Variants in DEUP1 observed in about 807,000 individuals in gnomAD.
DEUP1 encodes the protein deuterosome assembly protein 1.
In DEUP1, 82 loss-of-function variants were observed where a neutral mutation model predicts 87.4. That is an observed-to-expected ratio of 0.94 (90% CI 0.78 to 1.13). The LOEUF is 1.13. Ranked by LOEUF, DEUP1 falls within the 50% of genes most tolerant of loss-of-function variation. The pLI, the probability that DEUP1 is intolerant of heterozygous loss-of-function variation, is 0.00. For missense variants in DEUP1, 663 were observed against 681.5 expected (o/e 0.97, Z 0.30); for synonymous variants, 214 against 222.7 (o/e 0.96, Z 0.35).
intron 2 of DEUP1, among the ~76,000 whole-genome samples, chr11:93,341,736 T>C (rs1264962904): frequency 6.6e-6 from 1 of 152,202 alleles, no homozygotes; most frequent in Non-Finnish European, 1.5e-5. Context: ...AGATGCGGTA[T>C]GTTAGTTTCC....
intron 2 of DEUP1, among the ~76,000 whole-genome samples, chr11:93,353,964 C>T (rs1944762230): frequency 6.6e-6 from 1 of 152,224 alleles, no homozygotes; most frequent in Non-Finnish European, 1.5e-5. Flanking sequence ...AGGCTCCTTG[C>T]TACTTATGCA....
chr11:93,414,647 A>T (rs1947550363), intron 12 of DEUP1, among the ~76,000 whole-genome samples: 1 of 152,246 alleles, frequency 6.6e-6, no homozygotes, highest in Non-Finnish European at 1.5e-5. Flanking sequence ...CAAGGGCAAC[A>T]GTGTAATTAC....
chr11:93,391,357 A>T (rs1433702151), intron 9 of DEUP1, among the ~76,000 whole-genome samples: 1 of 152,158 alleles, frequency 6.6e-6, no homozygotes, highest in Non-Finnish European at 1.5e-5. Flanking sequence ...ATATTGTGAA[A>T]ATAATAAAAA....
rs144481529 is a variant in DEUP1, at chr11:93,339,705, C to T, written c.29+7417C>T. On this transcript the variant is annotated intron_variant, in intron 2 of 13. Coordinates refer to ENST00000298050, the MANE Select transcript of DEUP1 (RefSeq NM_181645.4). ...AAGACACTTTGAGTGGTAATGATAA[C>T]GAGGGAACCCACCTTACACAGTGTC... 3.0e-3 allele frequency among the ~76,000 whole-genome samples: 464 copies of T among 152,242 alleles called. 5 individuals carry two copies. The East Asian group carries it at 0.035, about 11-fold the overall frequency.
In DEUP1 at chr11:93,414,381, C is replaced by T. The variant is rs1362479547; in HGVS notation, c.1524-619C>T. On this transcript the variant is annotated intron_variant, in intron 12 of 13. Coordinates refer to ENST00000298050, the MANE Select transcript of DEUP1 (RefSeq NM_181645.4). Reference sequence around the variant, plus strand: ...ACAGAAAATTACCCTGGCGTGGTGGCGGGCGCCTATAATCCCAGCTACTCA... The same window carrying T: ...ACAGAAAATTACCCTGGCGTGGTGGTGGGCGCCTATAATCCCAGCTACTCA... Among the ~76,000 whole-genome samples the T allele has an allele frequency of 2.6e-5, 4 of 152,132 alleles. No individual in the cohort carries two copies. The East Asian group carries it at 5.8e-4, about 22-fold the overall frequency.
intron 2 of DEUP1, among the ~76,000 whole-genome samples, chr11:93,341,163 A>G (rs1944051143): frequency 6.6e-6 from 1 of 152,128 alleles, no homozygotes; most frequent in Non-Finnish European, 1.5e-5. Context: ...CACGCCTGTA[A>G]TCCCAATGCT....
chr11:93,359,616 T>C (rs1296889433), intron 4 of DEUP1, among the ~76,000 whole-genome samples: 1 of 152,158 alleles, frequency 6.6e-6, no homozygotes, highest in Non-Finnish European at 1.5e-5. Context: ...AAACCAGTTA[T>C]GCCAATGGGT....
chr11:93,385,114 C>T (rs1300176393), intron 7 of DEUP1, among the ~76,000 whole-genome samples: 1 of 152,050 alleles, frequency 6.6e-6, no homozygotes, highest in Non-Finnish European at 1.5e-5. Context: ...CCCAGCTACT[C>T]AGGAGGTTAA....
At chr11:93,434,120 C>A (rs1460508949) in intron 13 of DEUP1, among the ~76,000 whole-genome samples, 1 of 152,194 alleles carries the variant, frequency 6.6e-6, no homozygotes, top group Non-Finnish European at 1.5e-5. Context: ...CATGGTCAAC[C>A]TGTTGCACCA....
At chr11:93,416,215 ACT>A (rs1280737081) in intron 13 of DEUP1, among the ~76,000 whole-genome samples, 1 of 152,148 alleles carries the variant, frequency 6.6e-6, no homozygotes, top group East Asian at 1.9e-4. Flanking sequence ...GACACAAAAA[ACT>A]CTTCAAAAAA....
intron 2 of DEUP1, among the ~76,000 whole-genome samples, chr11:93,335,857 G>A (rs775063430): frequency 2.4e-4 from 37 of 152,192 alleles, no homozygotes; most frequent in Non-Finnish European, 2.8e-4. Flanking sequence ...GCTGACGCCT[G>A]TAATCCCAGC....
intron 7 of DEUP1, among the ~76,000 whole-genome samples, chr11:93,373,634 T>TATATAC (rs1945877868): frequency 1.4e-5 from 2 of 143,736 alleles, no homozygotes; most frequent in African/African-American, 5.1e-5. Context: ...CGTATATATA[T>TATATAC]ATATATATAT....
chr11:93,340,402 G>C (rs1023119664), intron 2 of DEUP1, among the ~76,000 whole-genome samples: 2 of 152,188 alleles, frequency 1.3e-5, no homozygotes, highest in Non-Finnish European at 2.9e-5. Context: ...GGAAGCAAGG[G>C]GGAAAGTGGT....
chr11:93,386,638 A>G (rs1397713494), intron 8 of DEUP1, among the ~76,000 whole-genome samples: 3 of 152,210 alleles, frequency 2.0e-5, no homozygotes, highest in Non-Finnish European at 4.4e-5. Context: ...GCTTAATAAC[A>G]AATGGCAACT....
rs750564104 is a variant in DEUP1, at chr11:93,389,062, G to A, written c.978G>A (p.Arg326=). 1.4e-5 allele frequency: 23 copies of A among 1,600,374 alleles called. No homozygotes were observed. Among genetic ancestry groups the A allele is most frequent in the Non-Finnish European group, 1.8e-5 (21 of 1,173,216 alleles). The change falls in exon 9 of 14, where the codon AGG becomes AGA. Residue 326 remains arginine, a synonymous_variant. Coordinates refer to ENST00000298050, the MANE Select transcript of DEUP1 (RefSeq NM_181645.4). ...SYLPSIKEPE[R]KIKELFSVMQ... is the part of the protein sequence containing the mutation. ...TGCCTTCTATTAAAGAACCAGAAAG[G>A]AAAATAAAAGAGCTGTTTTCAGTGA...
chr11:93,364,321 ATGTGTATTAAAGATTGATTCC>A (rs1565309174), intron 5 of DEUP1, 27 bp downstream of exon 5: 1 of 1,588,690 alleles, frequency 6.3e-7, no homozygotes, highest in Non-Finnish European at 8.6e-7. Context: ...TAGTTTCTTC[ATGTGTATTAAAGATTGATTCC>A]TATTGTTGTG....
At chr11:93,408,557 A>C (rs1310504467) in intron 12 of DEUP1, 130 bp downstream of exon 12, 1 of 603,552 alleles carries the variant, frequency 1.7e-6, no homozygotes, top group Non-Finnish European at 2.8e-6. Context: ...ATAATGCAGT[A>C]GATGAGTAGA....
chr11:93,368,273 C>T (rs1438885455), intron 5 of DEUP1, among the ~76,000 whole-genome samples: 3 of 152,228 alleles, frequency 2.0e-5, no homozygotes, highest in Non-Finnish European at 4.4e-5. Context: ...TAACTAAATA[C>T]CATAGACTGG....
chr11:93,351,512 A>T (rs1251338840), intron 2 of DEUP1, among the ~76,000 whole-genome samples: 1 of 152,362 alleles, frequency 6.6e-6, no homozygotes, highest in Middle Eastern at 3.4e-3. Context: ...GAAAAAATAG[A>T]CAAAATCTAT....
Sources: allele counts gnomAD v4.1 joint callset (sites outside exome capture counted in the v4.1 genomes callset), GRCh38; gene constraint gnomAD v4.1.1; transcripts MANE v1.5; gene names NCBI Gene and HGNC (gene_info 2026-07-23, HGNC 2026-07-21).